Variants in RMST observed in about 807,000 individuals in gnomAD.
RMST encodes the protein rhabdomyosarcoma 2 associated transcript, also known as long intergenic non-protein coding RNA 54.
chr12:97,553,418 G>A (rs1283781021), intron 11 of RMST, among the ~76,000 whole-genome samples: 1 of 152,168 alleles, frequency 6.6e-6, no homozygotes, highest in African/African-American at 2.4e-5. Flanking sequence ...GTGTGGTGCT[G>A]TTGAGCTGTG....
chr12:97,488,595 G>C (rs997265108), intron 5 of RMST, among the ~76,000 whole-genome samples: 11 of 152,136 alleles, frequency 7.2e-5, no homozygotes, highest in African/African-American at 2.7e-4. Flanking sequence ...CTCAAGTTGC[G>C]TGGTGGCCCA....
intron 11 of RMST, chr12:97,552,134 T>A (rs1450088442): frequency 1.1e-4 from 16 of 152,328 alleles, no homozygotes; most frequent in Admixed American, 7.9e-4. Context: ...TTGTATGTTA[T>A]CCTTCCTTTG....
intron 10 of RMST, among the ~76,000 whole-genome samples, chr12:97,504,172 G>A (rs1445762289): frequency 6.6e-6 from 1 of 152,160 alleles, no homozygotes; most frequent in African/African-American, 2.4e-5. Flanking sequence ...GGGAGGCCGA[G>A]ACAGGCAGAT....
chr12:97,483,838 T>C (rs1875757258), intron 5 of RMST, among the ~76,000 whole-genome samples: 1 of 152,186 alleles, frequency 6.6e-6, no homozygotes, highest in Admixed American at 6.5e-5. Flanking sequence ...AGTGGGACAA[T>C]ATTATACTTA....
chr12:97,546,788 CATACTT>C (rs1204983347), intron 11 of RMST, among the ~76,000 whole-genome samples: 3 of 152,070 alleles, frequency 2.0e-5, no homozygotes, highest in Non-Finnish European at 4.4e-5. Flanking sequence ...CATTATCTCA[CATACTT>C]ATCTTTTTTG....
intron 10 of RMST, among the ~76,000 whole-genome samples, chr12:97,506,342 G>T (rs1254074897): frequency 6.6e-6 from 1 of 151,784 alleles, no homozygotes; most frequent in African/African-American, 2.4e-5. Context: ...AAATAATGGT[G>T]AGCCTCTTTC....
Position 97,479,133 on chromosome 12 carries a change from C to CTTTTTTTTTTTTTTT in RMST, n.645-13318_645-13304dup, listed in dbSNP as rs386377507. ...TACTTTGGGTGTTTCCTTGTCTTTG[C>CTTTTTTTTTTTTTTT]TTTTTTTTTTTTTTTTTTTTTTTTG... On this transcript the variant is annotated intron_variant and non_coding_transcript_variant, in intron 5 of 13. Coordinates refer to ENST00000640149, the Ensembl canonical transcript of RMST. Among the ~76,000 whole-genome samples, 13 of 69,048 alleles carry CTTTTTTTTTTTTTTT rather than the reference C, an allele frequency of 1.9e-4. 2 individuals are homozygous for CTTTTTTTTTTTTTTT. The highest frequency in any genetic ancestry group is 6.8e-4 in the African/African-American group (11 of 16,108). 45.3% of individuals were successfully genotyped at this position (69,048 alleles called of 152,430 possible).
chr12:97,475,986 AGGAC>A (rs1456798209), intron 5 of RMST, among the ~76,000 whole-genome samples: 1 of 152,148 alleles, frequency 6.6e-6, no homozygotes, highest in Admixed American at 6.6e-5. Flanking sequence ...GTGGCTGTGG[AGGAC>A]TATATGCTAT....
intron 6 of RMST, chr12:97,493,120 T>G (rs1398380331): frequency 1.3e-5 from 2 of 152,648 alleles, no homozygotes; most frequent in Non-Finnish European, 2.9e-5. Context: ...TTGTGCTTAA[T>G]AACGTATGCT....
chr12:97,548,853 A>G (rs1406078854), intron 11 of RMST, among the ~76,000 whole-genome samples: 2 of 152,136 alleles, frequency 1.3e-5, no homozygotes, highest in African/African-American at 4.8e-5. Context: ...TTGATCACAT[A>G]AAAAAACAAA....
intron 5 of RMST, among the ~76,000 whole-genome samples, chr12:97,468,590 A>G (rs1186527190): frequency 1.3e-5 from 2 of 152,042 alleles, no homozygotes; most frequent in Non-Finnish European, 1.5e-5. Context: ...AAATGCAGTT[A>G]CTGAAGTATA....
At chr12:97,480,928 C>A (rs937012912) in intron 5 of RMST, among the ~76,000 whole-genome samples, 2 of 152,088 alleles carry the variant, frequency 1.3e-5, no homozygotes, top group Non-Finnish European at 2.9e-5. Flanking sequence ...CTTATCAATA[C>A]CCCGTACATA....
chr12:97,492,621 T>C (rs893113029), intron 6 of RMST: 4 of 152,144 alleles, frequency 2.6e-5, no homozygotes, highest in Admixed American at 1.3e-4. Flanking sequence ...GTAAAGAATA[T>C]TGGAAACATG....
chr12:97,510,166 C>T (rs938342029), intron 10 of RMST, among the ~76,000 whole-genome samples: 12 of 152,282 alleles, frequency 7.9e-5, no homozygotes, highest in East Asian at 5.8e-4. Flanking sequence ...CAAAGAAATA[C>T]ATTTAATTAA....
At chr12:97,526,053 A>G (rs921436826) in intron 10 of RMST, among the ~76,000 whole-genome samples, 2 of 151,926 alleles carry the variant, frequency 1.3e-5, no homozygotes, top group African/African-American at 4.8e-5. Flanking sequence ...TTGCAGGAAA[A>G]CAAGCTCAGG....
intron 5 of RMST, among the ~76,000 whole-genome samples, chr12:97,486,992 G>A (rs114588576): frequency 0.021 from 3,241 of 152,254 alleles, 124 homozygotes; most frequent in African/African-American, 0.074. Flanking sequence ...AGGGAGATGC[G>A]GAGCCTGAGA....
intron 11 of RMST, among the ~76,000 whole-genome samples, chr12:97,545,112 C>T (rs1213282585): frequency 6.6e-6 from 1 of 152,108 alleles, no homozygotes; most frequent in Non-Finnish European, 1.5e-5. Context: ...CATTATATTA[C>T]ACTCTTGCAC....
At chr12:97,492,612 T>C (rs1200928275) in intron 6 of RMST, 1 of 152,206 alleles carries the variant, frequency 6.6e-6, no homozygotes, top group East Asian at 1.9e-4. Flanking sequence ...ATCAGGTGTG[T>C]AAAGAATATT....
At chr12:97,501,368 T>C (rs1878053815) in intron 10 of RMST, among the ~76,000 whole-genome samples, 1 of 152,230 alleles carries the variant, frequency 6.6e-6, no homozygotes, top group Non-Finnish European at 1.5e-5. Context: ...ATGGAATATG[T>C]ATTTGAAGGC....
Sources: gnomAD v4.1 joint callset for allele counts (sites outside exome capture counted in the v4.1 genomes callset) on GRCh38, gnomAD v4.1.1 for gene constraint, MANE v1.5 for transcripts, NCBI Gene and HGNC (gene_info 2026-07-23, HGNC 2026-07-21) for gene names.